Variants in HPD observed in about 807,000 individuals in gnomAD.
The protein encoded by HPD is 4-hydroxyphenylpyruvate dioxygenase.
Under a neutral mutation model 56.9 loss-of-function variants are expected in HPD, and 35 were observed. The observed-to-expected ratio is 0.62, with a 90% CI of 0.47 to 0.82. HPD has a LOEUF of 0.82. Ranked by LOEUF, HPD falls within the 40% of genes least tolerant of loss-of-function variation. HPD has a pLI of 0.00. For synonymous variants in HPD, 186 were observed against 200.2 expected (o/e 0.93, Z 0.60); for missense variants, 442 against 506.8 (o/e 0.87, Z 1.23).
chr12:121,841,701 C>T (rs531463172), intron 12 of HPD, among the ~76,000 whole-genome samples: 2 of 150,466 alleles, frequency 1.3e-5, no homozygotes, highest in Admixed American at 1.3e-4. Context: ...TTTTTTTTTC[C>T]GAGATGGAGT....
chr12:121,842,025 A>G (rs367689586), intron 12 of HPD, among the ~76,000 whole-genome samples: 4 of 150,194 alleles, frequency 2.7e-5, no homozygotes, highest in Non-Finnish European at 5.9e-5. Flanking sequence ...AGGCAAATCT[A>G]TAGAGACTGA....
chr12:121,886,043 C>A, the HPD span, among the ~76,000 whole-genome samples: 33 of 151,926 alleles, frequency 2.2e-4, 1 homozygote, highest in South Asian at 5.4e-3. Context: ...GATCCAGCCG[C>A]CTCGGTCTCC....
rs746724701 is a variant in HPD, at chr12:121,854,749, A to C, written c.368T>G (p.Val123Gly). The C allele has an allele frequency of 1.9e-6, 3 of 1,614,082 alleles. No homozygotes were observed. In the South Asian group the frequency reaches 3.3e-5, roughly 18 times the overall value. Residue 123 changes from valine (V) to glycine (G), a missense_variant, in exon 7 of 14, where the codon GTA becomes GGA. Physicochemically the swap from Val to Gly is moderately radical, Grantham distance 109 (BLOSUM62 -3). Coordinates refer to ENST00000289004, the MANE Select transcript of HPD (RefSeq NM_002150.3). Reference sequence around the variant, plus strand: ...CACCTTCCCAAACTTGTCTTGCTCTACCCAGGGCTCCCGCATGATTTTGGC... The same window carrying C: ...CACCTTCCCAAACTTGTCTTGCTCTCCCCAGGGCTCCCGCATGATTTTGGC... ...RGAKIMREPW[V>G]EQDKFGKVKF...
intron 11 of HPD, among the ~76,000 whole-genome samples, chr12:121,845,400 T>A (rs1383319977): frequency 6.7e-6 from 1 of 149,004 alleles, no homozygotes; most frequent in African/African-American, 2.6e-5. Context: ...ATCGAGACCA[T>A]CCTGGCTAAC....
At chr12:121,865,843 G>C (rs540021861), upstream of HPD, among the ~76,000 whole-genome samples, 59 of 151,698 alleles carry the variant, frequency 3.9e-4, no homozygotes, top group Non-Finnish European at 4.7e-4. Context: ...AATAAAAAGA[G>C]CTGGGCGTAG....
the HPD span, among the ~76,000 whole-genome samples, chr12:121,883,598 C>T: frequency 1.3e-5 from 2 of 152,002 alleles, no homozygotes; most frequent in African/African-American, 4.8e-5. Flanking sequence ...CTTCTCCTCA[C>T]CCTTTTTATT....
chr12:121,886,046 C>T, the HPD span, among the ~76,000 whole-genome samples: 8 of 151,468 alleles, frequency 5.3e-5, no homozygotes, highest in East Asian at 2.0e-4. Context: ...CCAGCCGCCT[C>T]GGTCTCCCAA....
chr12:121,845,471 G>T (rs1041633033), intron 11 of HPD, among the ~76,000 whole-genome samples: 2 of 139,204 alleles, frequency 1.4e-5, no homozygotes, highest in Admixed American at 1.4e-4. Context: ...CGTGGTGGCG[G>T]GTGCCTGTAG....
chr12:121,846,773 G>C, intron 11 of HPD, 89 bp downstream of exon 11: 1 of 1,241,298 alleles, frequency 8.1e-7, no homozygotes. Flanking sequence ...AACGGGCCCA[G>C]GACTGCCGCC....
chr12:121,885,908 G>A, the HPD span, among the ~76,000 whole-genome samples: 1 of 150,560 alleles, frequency 6.6e-6, no homozygotes. Flanking sequence ...GCAGTGAGCC[G>A]AGATCTCGCC....
chr12:121,884,275 G>GC, the HPD span, among the ~76,000 whole-genome samples: 2 of 151,072 alleles, frequency 1.3e-5, no homozygotes, highest in Non-Finnish European at 2.9e-5. Context: ...CAATTCCCCG[G>GC]CCTCAGCCTC....
At chr12:121,853,966 A>C (rs1877902163) in intron 7 of HPD, among the ~76,000 whole-genome samples, 1 of 150,718 alleles carries the variant, frequency 6.6e-6, no homozygotes, top group Non-Finnish European at 1.5e-5. Context: ...AAAAAAGAAA[A>C]AGGCCGGGCA....
At chr12:121,856,206 G>A in intron 6 of HPD, 118 bp downstream of exon 6, 1 of 802,648 alleles carries the variant, frequency 1.2e-6, no homozygotes, top group Non-Finnish European at 2.2e-6. Flanking sequence ...GCTTGTCACT[G>A]TGATGTGGCA....
the HPD span, among the ~76,000 whole-genome samples, chr12:121,878,039 G>A: frequency 6.6e-6 from 1 of 152,198 alleles, no homozygotes; most frequent in Non-Finnish European, 1.5e-5. Flanking sequence ...GGAAGGGAAA[G>A]TGACTGCTTA....
At position 121,839,688 on chromosome 12, in the gene HPD, CGTGGCTGT is replaced by C. The variant is rs776482620; in HGVS notation, c.*32_*39del. 8.0e-6 allele frequency: 11 copies of C among 1,379,338 alleles called. No homozygotes were observed. In the South Asian group the frequency reaches 9.3e-5, roughly 12 times the overall value. 85.4% of individuals were successfully genotyped at this position (1,379,338 alleles called of 1,614,324 possible). On this transcript the variant is annotated 3_prime_UTR_variant, in exon 14 of 14. Transcript: ENST00000289004. Reference sequence around the variant, plus strand: ...TTGGGCGAGTTCCAGAATCAGGGGGCGTGGCTGTGTGGCTGTGGCCTCCGTGGGGTGGG... The same window carrying C: ...TTGGGCGAGTTCCAGAATCAGGGGGCGTGGCTGTGGCCTCCGTGGGGTGGG...
the HPD span, among the ~76,000 whole-genome samples, chr12:121,874,492 C>T: frequency 3.3e-5 from 5 of 152,040 alleles, 1 homozygote; most frequent in Admixed American, 3.3e-4. Flanking sequence ...GTGGCGGGCG[C>T]CTGTAATCCC....
intron 12 of HPD, among the ~76,000 whole-genome samples, chr12:121,842,242 G>A (rs1186249343): frequency 1.3e-5 from 2 of 151,844 alleles, no homozygotes; most frequent in Non-Finnish European, 2.9e-5. Context: ...TCTCACCTCA[G>A]CCTCCTGAGT....
intron 3 of HPD, 92 bp downstream of exon 3, chr12:121,857,665 G>T: frequency 8.9e-7 from 1 of 1,128,452 alleles, no homozygotes; most frequent in Non-Finnish European, 1.3e-6. Context: ...CCCTCCCAAG[G>T]GCCAATCACA....
the HPD span, among the ~76,000 whole-genome samples, chr12:121,884,552 C>G: frequency 6.6e-6 from 1 of 152,042 alleles, no homozygotes; most frequent in Non-Finnish European, 1.5e-5. Flanking sequence ...AGGGATCCTC[C>G]TGCCTTGATC....
Sources: allele counts gnomAD v4.1 joint callset (sites outside exome capture counted in the v4.1 genomes callset), GRCh38; gene constraint gnomAD v4.1.1; transcripts MANE v1.5; gene names NCBI Gene and HGNC (gene_info 2026-07-23, HGNC 2026-07-21).